The following MCM6 variants were observed in gnomAD, a reference collection of about 807,000 sequenced individuals.
The protein encoded by MCM6 is minichromosome maintenance complex component 6.
MCM6 carries 46 observed loss-of-function variants against 94.3 expected under a neutral mutation model. That is an observed-to-expected ratio of 0.49 (90% CI 0.39 to 0.62). The LOEUF is 0.62. Among genes scored for constraint, MCM6 ranks in the 20% least tolerant of loss-of-function variants. The pLI, the probability that MCM6 is intolerant of heterozygous loss-of-function variation, is 0.00. For synonymous variants in MCM6, 335 were observed against 351.9 expected (o/e 0.95, Z 0.54); for missense variants, 865 against 1,017.9 (o/e 0.85, Z 2.04).
At chr2:135,847,139 C>T (rs745585336) in intron 14 of MCM6, among the ~76,000 whole-genome samples, 2 of 151,954 alleles carry the variant, frequency 1.3e-5, no homozygotes, top group Non-Finnish European at 2.9e-5. Flanking sequence ...TTGGGAGGAA[C>T]GTGAGGGATC....
intron 15 of MCM6, among the ~76,000 whole-genome samples, chr2:135,845,116 T>C (rs998624260): frequency 1.3e-5 from 2 of 152,238 alleles, no homozygotes; most frequent in Non-Finnish European, 2.9e-5. Flanking sequence ...GAAGGCTTTA[T>C]GGAACTGGAG....
intron 3 of MCM6, 139 bp downstream of exon 3, chr2:135,870,112 G>C: frequency 1.7e-6 from 1 of 573,758 alleles, no homozygotes; most frequent in Non-Finnish European, 3.2e-6. Flanking sequence ...TGAGGCTCAG[G>C]GAGGTAAAAG....
chr2:135,845,680 A>AT (rs776901319), intron 15 of MCM6, among the ~76,000 whole-genome samples: 2 of 152,168 alleles, frequency 1.3e-5, no homozygotes, highest in Non-Finnish European at 2.9e-5. Context: ...TGAATTCATC[A>AT]TTTTTCCTTC....
chr2:135,840,254 T>C lies in MCM6; in HGVS notation c.*581A>G, dbSNP rs1679545578. On this transcript the variant is annotated 3_prime_UTR_variant, in exon 17 of 17. Transcript: ENST00000264156. ...AAAAAAAAAACAACTGGAATTAACC[T>C]TGGAAAGTCATCTCTAAGGCCTCTA... The C allele has an allele frequency of 6.6e-6, 1 of 151,272 alleles. No homozygotes were observed. Among genetic ancestry groups the C allele is most frequent in the African/African-American group, 2.4e-5 (1 of 41,028 alleles). 9.4% of individuals were successfully genotyped at this position (151,272 alleles called of 1,614,324 possible).
chr2:135,843,771 C>T (rs951296175), intron 16 of MCM6, among the ~76,000 whole-genome samples: 10 of 149,090 alleles, frequency 6.7e-5, no homozygotes, highest in South Asian at 2.1e-4. Context: ...GGGAAAGAGA[C>T]TAAGAGGGAA....
chr2:135,844,987 T>C (rs1428708322), intron 15 of MCM6, among the ~76,000 whole-genome samples: 2 of 152,230 alleles, frequency 1.3e-5, no homozygotes, highest in Non-Finnish European at 2.9e-5. Context: ...TTTCTTCATC[T>C]TCTTATGCTT....
intron 1 of MCM6, among the ~76,000 whole-genome samples, chr2:135,873,868 G>C (rs1680249084): frequency 6.6e-6 from 1 of 152,204 alleles, no homozygotes; most frequent in Non-Finnish European, 1.5e-5. Context: ...CATATAAAAG[G>C]TGGCGTTGGA....
At chr2:135,866,305 A>C (rs1680093827) in intron 5 of MCM6, 28 bp from the exon 6 acceptor site, 1 of 1,611,654 alleles carries the variant, frequency 6.2e-7, no homozygotes, top group African/African-American at 1.3e-5. Flanking sequence ...GTTGTTTCAC[A>C]ACTTAAATAT....
At chr2:135,868,556 G>A (rs770986599) in intron 4 of MCM6, 55 bp downstream of exon 4, 1 of 1,570,086 alleles carries the variant, frequency 6.4e-7, no homozygotes, top group Non-Finnish European at 8.8e-7. Flanking sequence ...CAAGGGCCTA[G>A]AAGTGAATTA....
intron 11 of MCM6, 82 bp from the exon 12 acceptor site, chr2:135,852,997 C>T (rs754417472): frequency 3.5e-5 from 45 of 1,290,040 alleles, no homozygotes; most frequent in East Asian, 1.1e-4. Flanking sequence ...AATGATTTAT[C>T]GCCAAAAACA....
chr2:135,846,167 C>G (rs1246223705), intron 15 of MCM6, 70 bp downstream of exon 15: 8 of 1,480,018 alleles, frequency 5.4e-6, no homozygotes, highest in Non-Finnish European at 6.5e-6. Context: ...GTTTGGCAAT[C>G]ACAAGTGGCC....
chr2:135,847,926 A>T, intron 14 of MCM6, 127 bp downstream of exon 14: 1 of 625,040 alleles, frequency 1.6e-6, no homozygotes, highest in Non-Finnish European at 2.9e-6. Flanking sequence ...AATAGAATTC[A>T]GTATCTGCTT....
At position 135,839,796 on chromosome 2, in the gene MCM6, T is replaced by C. The variant is rs1679534095; in HGVS notation, c.*1039A>G. ...ATTAATCTGTCTTGCTTTCTACTAATAGATTTCTGGCTGCTCAAATTCACA... is the reference window on the plus strand; with the variant it reads ...ATTAATCTGTCTTGCTTTCTACTAACAGATTTCTGGCTGCTCAAATTCACA... On this transcript the variant is annotated 3_prime_UTR_variant, in exon 17 of 17. Coordinates refer to ENST00000264156, the MANE Select transcript of MCM6 (RefSeq NM_005915.6). 1 of 152,248 alleles carries C rather than the reference T, an allele frequency of 6.6e-6. No individual in the cohort carries two copies. Among genetic ancestry groups the C allele is most frequent in the African/African-American group, 2.4e-5 (1 of 41,468 alleles). 9.4% of individuals were successfully genotyped at this position (152,248 alleles called of 1,614,324 possible).
intron 4 of MCM6, among the ~76,000 whole-genome samples, chr2:135,867,931 GC>G (rs1485656677): frequency 6.6e-6 from 1 of 152,132 alleles, no homozygotes. Context: ...GGAGGCTGAG[GC>G]AGGAGAATGG....
intron 11 of MCM6, 134 bp from the exon 12 acceptor site, chr2:135,853,049 G>A: frequency 1.5e-6 from 1 of 680,370 alleles, no homozygotes; most frequent in Non-Finnish European, 2.3e-6. Flanking sequence ...TGGGTACCAA[G>A]TTTCTGATGA....
At chr2:135,853,435 C>T (rs528383681) in intron 11 of MCM6, among the ~76,000 whole-genome samples, 25 of 152,074 alleles carry the variant, frequency 1.6e-4, no homozygotes, top group African/African-American at 6.0e-4. Context: ...ACAGAGTAAG[C>T]CTTATCTCAA....
rs781673099 is a variant in MCM6, at chr2:135,844,538, C to T, written c.2349+7G>A. On this transcript the variant is annotated splice_region_variant and intron_variant, in intron 16 of 16. Transcript: ENST00000264156. The stretch of plus-strand genomic sequence containing the variant: ...TGATACCAGAGCACGCGCACTTCTG[C>T]ACCTACATAGTGTGTGAGTCGATGA... The T allele has an allele frequency of 5.2e-6, 8 of 1,534,724 alleles. No homozygotes were observed. The highest frequency in any genetic ancestry group is 1.4e-5 in the African/African-American group (1 of 71,816).
intron 7 of MCM6, among the ~76,000 whole-genome samples, chr2:135,863,230 G>A (rs1036236315): frequency 1.3e-5 from 2 of 152,232 alleles, no homozygotes; most frequent in African/African-American, 4.8e-5. Flanking sequence ...CTGAATTCAT[G>A]TGGATTAAAT....
At chr2:135,850,472 G>T (rs1016173539) in intron 13 of MCM6, among the ~76,000 whole-genome samples, 5 of 152,118 alleles carry the variant, frequency 3.3e-5, no homozygotes, top group African/African-American at 9.6e-5. Context: ...GGAAGGCAGG[G>T]GCTCTCATTC....
Sources: allele counts gnomAD v4.1 joint callset (sites outside exome capture counted in the v4.1 genomes callset), GRCh38; gene constraint gnomAD v4.1.1; transcripts MANE v1.5; gene names NCBI Gene and HGNC (gene_info 2026-07-23, HGNC 2026-07-21).